XYLB: variants seen among roughly 807,000 people sequenced by gnomAD.
XYLB encodes xylulokinase.
In XYLB, 62 loss-of-function variants were observed where a neutral mutation model predicts 78.7. The ratio of observed to expected loss-of-function variants is 0.79; its 90% CI spans 0.64 to 0.97. The LOEUF (loss-of-function observed/expected upper bound fraction) is 0.97. XYLB is among the 50% of genes least tolerant of loss of function. XYLB has a pLI of 0.00. For missense variants in XYLB, 687 were observed against 676.8 expected, an observed-to-expected ratio of 1.02 and a Z score of -0.17; for synonymous variants, 245 against 247.4, an observed-to-expected ratio of 0.99 and a Z score of 0.09.
At chr3:38,406,538 ATGACTT>A (rs1324395183) in intron 18 of XYLB, among the ~76,000 whole-genome samples, 7 of 152,242 alleles carry the variant, frequency 4.6e-5, no homozygotes, top group African/African-American at 9.6e-5. Flanking sequence ...TGGATGGAGA[ATGACTT>A]TGACGAGTTG....
the XYLB span, among the ~76,000 whole-genome samples, chr3:38,426,515 C>T: frequency 1.2e-4 from 19 of 152,302 alleles, no homozygotes; most frequent in Non-Finnish European, 2.1e-4. Context: ...TGCTTGAAGG[C>T]GCTTCAGATG....
chr3:38,384,720 G>C (rs1707305709), intron 15 of XYLB, among the ~76,000 whole-genome samples: 1 of 152,086 alleles, frequency 6.6e-6, no homozygotes, highest in Admixed American at 6.5e-5. Flanking sequence ...CTTCCTTCCT[G>C]TGAGTTTCTG....
intron 9 of XYLB, 66 bp downstream of exon 9, chr3:38,370,240 G>GCACACACGCACA (rs1553653453): frequency 1.9e-5 from 12 of 647,710 alleles, no homozygotes; most frequent in Non-Finnish European, 3.4e-5. Flanking sequence ...GCACTGTAGC[G>GCACACACGCACA]CACACACACA....
At chr3:38,347,675 C>CA (rs781130225) in intron 1 of XYLB, among the ~76,000 whole-genome samples, 2,348 of 137,890 alleles carry the variant, frequency 0.017, 40 homozygotes, top group African/African-American at 0.049. Flanking sequence ...GACCCTGTCT[C>CA]AAAAAAAAAA....
chr3:38,372,534 A>T, intron 9 of XYLB, 121 bp from the exon 10 acceptor site: 1 of 1,542,958 alleles, frequency 6.5e-7, no homozygotes, highest in South Asian at 1.2e-5. Context: ...TCTGCAAAAG[A>T]TTCCTTCAGG....
exon 18 of XYLB, among the ~76,000 whole-genome samples, chr3:38,420,156 C>A (rs1232262807): frequency 6.6e-6 from 1 of 152,158 alleles, no homozygotes; most frequent in Non-Finnish European, 1.5e-5. Flanking sequence ...TGTCTTGCAA[C>A]TTTATTAAAT....
At chr3:38,388,525 A>G (rs12330510) in intron 15 of XYLB, among the ~76,000 whole-genome samples, 2,083 of 152,278 alleles carry the variant, frequency 0.014, 39 homozygotes, top group African/African-American at 0.047. Context: ...ATAAGTAACA[A>G]AATAAGTAAA....
chr3:38,418,048 A>T (rs1260047356), downstream of XYLB, among the ~76,000 whole-genome samples: 1 of 151,556 alleles, frequency 6.6e-6, no homozygotes, highest in Non-Finnish European at 1.5e-5. Context: ...AAAAAAAATT[A>T]GGCAGGCGTG....
Position 38,346,851 on chromosome 3 carries a change from A to G in XYLB, c.-18A>G. On this transcript the variant is annotated 5_prime_UTR_variant, in exon 1 of 19. Transcript: ENST00000207870. ...CGGACGGACGGACTGACGGACGCGC[A>G]GCCTTACCCGAAAGGCCATGGCGGA... 1 of 1,504,440 alleles carries G rather than the reference A, an allele frequency of 6.6e-7. No homozygotes were observed. The highest frequency in any genetic ancestry group is 8.9e-7 in the Non-Finnish European group (1 of 1,128,138). The allele number at this position is 1,504,440 out of a possible 1,614,324, so 93.2% of individuals were successfully genotyped here.
chr3:38,400,529 A>G (rs1243237880), intron 17 of XYLB, among the ~76,000 whole-genome samples: 1 of 152,124 alleles, frequency 6.6e-6, no homozygotes. Flanking sequence ...AATGTGGTGA[A>G]CGAGGGGAGA....
At chr3:38,377,111 C>T in intron 14 of XYLB, 120 bp downstream of exon 14, 2 of 892,064 alleles carry the variant, frequency 2.2e-6, no homozygotes, top group South Asian at 1.6e-5. Flanking sequence ...CCATTAATAT[C>T]ATACACACTT....
chr3:38,415,867 G>T (rs891738824), downstream of XYLB, among the ~76,000 whole-genome samples: 19 of 152,156 alleles, frequency 1.2e-4, no homozygotes, highest in African/African-American at 4.3e-4. Flanking sequence ...GGCTGGGGAG[G>T]CCTCAGGAAA....
intron 15 of XYLB, among the ~76,000 whole-genome samples, chr3:38,393,366 A>AT (rs1707748477): frequency 2.6e-5 from 4 of 152,274 alleles, no homozygotes; most frequent in African/African-American, 9.6e-5. Flanking sequence ...GGCTGGTCTC[A>AT]AAGTCCTGGG....
chr3:38,396,016 A>G (rs2125645884), intron 16 of XYLB, among the ~76,000 whole-genome samples: 1 of 152,366 alleles, frequency 6.6e-6, no homozygotes, highest in Admixed American at 6.5e-5. Flanking sequence ...ATCAACCTGC[A>G]GATGTCTGAC....
chr3:38,394,846 G>T (rs1707802453), intron 15 of XYLB, among the ~76,000 whole-genome samples: 1 of 152,168 alleles, frequency 6.6e-6, no homozygotes, highest in Non-Finnish European at 1.5e-5. Context: ...TCATGTGGCT[G>T]TTGGCAAGAG....
chr3:38,409,470 C>T (rs1253274999), intron 18 of XYLB, among the ~76,000 whole-genome samples: 2 of 152,186 alleles, frequency 1.3e-5, no homozygotes, highest in Non-Finnish European at 2.9e-5. Context: ...CCCTTGAAAA[C>T]TGGCACAAGA....
At chr3:38,347,486 T>C (rs1705132723) in intron 1 of XYLB, among the ~76,000 whole-genome samples, 1 of 152,158 alleles carries the variant, frequency 6.6e-6, no homozygotes. Context: ...GAGACCAGCC[T>C]GGGCAATATG....
rs563952549 is a variant in XYLB at position 38,376,996 on chromosome 3, A to C, written c.1194+5A>C. The C allele has an allele frequency of 7.4e-6, 12 of 1,612,970 alleles. No homozygotes were observed. In the African/African-American group the frequency reaches 1.2e-4, roughly 16 times the overall value. On this transcript the variant is annotated splice_donor_5th_base_variant and intron_variant, in intron 14 of 18. Coordinates refer to ENST00000207870, the MANE Select transcript of XYLB (RefSeq NM_005108.4). ...TTTAACACAGAAAACCACAAGGTACATGTGCTGTTGGTGTTGGAGTTACAT... is the reference window on the plus strand; with the variant it reads ...TTTAACACAGAAAACCACAAGGTACCTGTGCTGTTGGTGTTGGAGTTACAT...
intron 2 of XYLB, among the ~76,000 whole-genome samples, chr3:38,358,314 T>TGG (rs1440334223): frequency 7.9e-5 from 2 of 25,466 alleles, no homozygotes; most frequent in Non-Finnish European, 1.8e-4. Flanking sequence ...TTGTTTTGTG[T>TGG]GTGTGTGTGT....
Sources: allele counts gnomAD v4.1 joint callset (sites outside exome capture counted in the v4.1 genomes callset), GRCh38; gene constraint gnomAD v4.1.1; transcripts MANE v1.5; gene names NCBI Gene and HGNC (gene_info 2026-07-23, HGNC 2026-07-21).